Variants in CDK6 observed in about 807,000 individuals in gnomAD.
CDK6 encodes the protein cyclin-dependent kinase 6.
CDK6 carries 6 observed loss-of-function variants against 37.1 expected under a neutral mutation model. The ratio of observed to expected loss-of-function variants is 0.16; its 90% CI spans 0.09 to 0.32. The LOEUF is 0.32. Among genes scored for constraint, CDK6 ranks in the 10% least tolerant of loss-of-function variants. CDK6 has a pLI of 1.00. For missense variants in CDK6, 224 were observed against 418.9 expected (o/e 0.53, Z 4.06); for synonymous variants, 160 against 161.3 (o/e 0.99, Z 0.06).
chr7:92,643,726 A>G (rs1796372170), intron 5 of CDK6, among the ~76,000 whole-genome samples: 1 of 152,260 alleles, frequency 6.6e-6, no homozygotes, highest in Non-Finnish European at 1.5e-5. Context: ...TTTTTAATCC[A>G]TGTGCTTTAT....
chr7:92,782,763 T>C (rs574574959), intron 2 of CDK6, among the ~76,000 whole-genome samples: 42 of 152,336 alleles, frequency 2.8e-4, no homozygotes, highest in Non-Finnish European at 5.0e-4. Flanking sequence ...AGTCAGTGTT[T>C]TGCTTATCCA....
intron 3 of CDK6, among the ~76,000 whole-genome samples, chr7:92,761,511 G>C (rs1021790333): frequency 2.4e-4 from 37 of 152,054 alleles, no homozygotes; most frequent in African/African-American, 8.9e-4. Flanking sequence ...GGTTACCTCT[G>C]AACAGTATCT....
chr7:92,801,715 A>G (rs1562969181), intron 2 of CDK6, among the ~76,000 whole-genome samples: 1 of 150,054 alleles, frequency 6.7e-6, no homozygotes, highest in Non-Finnish European at 1.5e-5. Flanking sequence ...CCCACCTCCC[A>G]GGCTCAAACA....
intron 5 of CDK6, among the ~76,000 whole-genome samples, chr7:92,635,050 A>C (rs1216473577): frequency 3.3e-5 from 5 of 152,188 alleles, no homozygotes; most frequent in Non-Finnish European, 4.4e-5. Context: ...AAAAGAAATA[A>C]TGTGCAGTAA....
At chr7:92,813,070 T>C (rs1462371195) in intron 2 of CDK6, among the ~76,000 whole-genome samples, 1 of 152,190 alleles carries the variant, frequency 6.6e-6, no homozygotes, top group African/African-American at 2.4e-5. Flanking sequence ...ACAACTTTTT[T>C]TGCCTTTCTC....
In CDK6 at chr7:92,671,330, C is replaced by A. The variant is rs111330554; in HGVS notation, c.647+96G>T. 2,041 of 740,360 alleles carry A rather than the reference C, an allele frequency of 2.8e-3. 35 individuals carry two copies. Among genetic ancestry groups the A allele is most frequent in the African/African-American group, 0.027 (1,486 of 55,220 alleles). 45.9% of individuals were successfully genotyped at this position (740,360 alleles called of 1,614,324 possible). ...GGGTAGATGGATCTGGCCATCATGA[C>A]CCCTAATGATAGAAATGCCATGCTG... On this transcript the variant is annotated intron_variant, in intron 5 of 7. Coordinates refer to ENST00000424848, the MANE Select transcript of CDK6 (RefSeq NM_001145306.2).
chr7:92,826,100 TCTTC>T (rs1297788986), intron 2 of CDK6, among the ~76,000 whole-genome samples: 3 of 152,130 alleles, frequency 2.0e-5, no homozygotes, highest in Non-Finnish European at 4.4e-5. Context: ...TCATATGGTG[TCTTC>T]CTTTATAACT....
rs1301907457 is a variant in CDK6, at chr7:92,610,556, G to T, written c.*4584C>A. 1 of 228,776 alleles carries T rather than the reference G, an allele frequency of 4.4e-6. No individual in the cohort carries two copies. Among genetic ancestry groups the T allele is most frequent in the Non-Finnish European group, 8.7e-6 (1 of 115,332 alleles). 14.2% of individuals were successfully genotyped at this position (228,776 alleles called of 1,614,324 possible). A position where few individuals can be genotyped will look rare whatever the true frequency, so the allele number is the denominator to read the frequency against. ...TTATTTTCTGAAAAAGTACAAGATA[G>T]AAATGCTTGAGATATAGGGATGTAT... On this transcript the variant is annotated 3_prime_UTR_variant, in exon 8 of 8. Coordinates refer to ENST00000424848, the MANE Select transcript of CDK6 (RefSeq NM_001145306.2).
intron 3 of CDK6, among the ~76,000 whole-genome samples, chr7:92,732,893 G>A (rs1388772569): frequency 6.6e-6 from 1 of 152,192 alleles, no homozygotes; most frequent in Admixed American, 6.5e-5. Flanking sequence ...TAAAAGGCCA[G>A]AGTGTAAACA....
chr7:92,833,171 C>T lies in CDK6; in HGVS notation c.153G>A (p.Glu51=), dbSNP rs769296745. Residue 51 remains glutamate (E), a synonymous_variant, in exon 2 of 8, where the codon GAG becomes GAA. Coordinates refer to ENST00000424848, the MANE Select transcript of CDK6 (RefSeq NM_001145306.2). This position sits in a 1 kb window ranked among gnomAD's most constrained non-coding sequence, Gnocchi z 6.1. ...GGATGGTGGAGAGCGGCATGCCCTC[C>T]TCGCCGGTCTGCACCCGCACGCGCT... ...ALKRVRVQTG[E]EGMPLSTIRE... is the part of the protein sequence containing the mutation. The T allele has an allele frequency of 2.5e-6, 4 of 1,609,132 alleles. No individual in the cohort carries two copies. The highest frequency in any genetic ancestry group is 1.3e-5 in the African/African-American group (1 of 74,852).
At chr7:92,808,557 T>A (rs1263444381) in intron 2 of CDK6, among the ~76,000 whole-genome samples, 1 of 152,240 alleles carries the variant, frequency 6.6e-6, no homozygotes, top group Non-Finnish European at 1.5e-5. Context: ...ACTGTGTTTG[T>A]ATATTCTGTT....
rs1021292809 is a variant in CDK6, at chr7:92,606,329, A to G, written c.*8811T>C. ...ATGAGCACAGTCTGTGCCCAGCATC[A>G]GGAACCATCTCTAGATGAATGTGGC... On this transcript the variant is annotated 3_prime_UTR_variant, in exon 8 of 8. Transcript: ENST00000424848. 1.7e-5 allele frequency: 4 copies of G among 233,206 alleles called. No homozygotes were observed. Among genetic ancestry groups the G allele is most frequent in the Non-Finnish European group, 3.4e-5 (4 of 118,028 alleles). The allele number at this position is 233,206 out of a possible 1,614,324, so 14.4% of individuals were successfully genotyped here.
intron 4 of CDK6, among the ~76,000 whole-genome samples, chr7:92,714,110 C>G (rs911901718): frequency 1.3e-5 from 2 of 152,110 alleles, no homozygotes; most frequent in African/African-American, 4.8e-5. Context: ...AGAAGTCAAA[C>G]AAATGGGGAT....
At chr7:92,713,152 C>A (rs577232501) in intron 4 of CDK6, among the ~76,000 whole-genome samples, 1 of 152,272 alleles carries the variant, frequency 6.6e-6, no homozygotes, top group South Asian at 2.1e-4. Flanking sequence ...AGCCACTGCG[C>A]CCGGTTGACA....
chr7:92,784,437 A>G (rs1316082851), intron 2 of CDK6, among the ~76,000 whole-genome samples: 1 of 152,210 alleles, frequency 6.6e-6, no homozygotes, highest in African/African-American at 2.4e-5. Flanking sequence ...AGAACAATTC[A>G]CCAACCTCAG....
chr7:92,678,379 A>G (rs560544123), intron 4 of CDK6, among the ~76,000 whole-genome samples: 1 of 152,114 alleles, frequency 6.6e-6, no homozygotes, highest in African/African-American at 2.4e-5. Flanking sequence ...CAATCATTAC[A>G]TGTATTAACA....
intron 2 of CDK6, among the ~76,000 whole-genome samples, chr7:92,824,456 T>C (rs1345315733): frequency 6.6e-6 from 1 of 152,152 alleles, no homozygotes; most frequent in East Asian, 1.9e-4. Flanking sequence ...TCCCATCAGT[T>C]TTGACAATGT....
chr7:92,689,896 T>A (rs772327200), intron 4 of CDK6, among the ~76,000 whole-genome samples: 17 of 152,226 alleles, frequency 1.1e-4, no homozygotes, highest in Non-Finnish European at 2.9e-5. Flanking sequence ...GTTGAGCTTT[T>A]TTTCGTGATT....
intron 5 of CDK6, among the ~76,000 whole-genome samples, chr7:92,655,009 A>ATTT (rs11288006): frequency 1.5e-5 from 2 of 134,096 alleles, no homozygotes; most frequent in Non-Finnish European, 3.2e-5. Context: ...TGCCTGGATC[A>ATTT]TTTTTTTTTT....
Sources: gnomAD v4.1 joint callset for allele counts (sites outside exome capture counted in the v4.1 genomes callset) on GRCh38, gnomAD v4.1.1 for gene constraint, Gnocchi (gnomAD v3.1) non-coding constraint, MANE v1.5 for transcripts, NCBI Gene and HGNC (gene_info 2026-07-23, HGNC 2026-07-21) for gene names.